CLYBL: variants seen among roughly 807,000 people sequenced by gnomAD.
CLYBL encodes citramalyl-CoA lyase, mitochondrial.
Under a neutral mutation model 38.9 loss-of-function variants are expected in CLYBL, and 31 were observed. The ratio of observed to expected loss-of-function variants is 0.80; its 90% CI spans 0.60 to 1.08. The LOEUF (loss-of-function observed/expected upper bound fraction) is 1.08. CLYBL is among the 50% of genes least tolerant of loss of function. The pLI, the probability that CLYBL is intolerant of heterozygous loss-of-function variation, is 0.00. For missense variants in CLYBL, 434 were observed against 411.6 expected, an observed-to-expected ratio of 1.05 and a Z score of -0.47; for synonymous variants, 171 against 158.6, an observed-to-expected ratio of 1.08 and a Z score of -0.59.
intron 1 of CLYBL, among the ~76,000 whole-genome samples, chr13:99,657,261 G>A (rs1037598698): frequency 1.3e-5 from 2 of 152,200 alleles, no homozygotes; most frequent in African/African-American, 4.8e-5. Context: ...GTATTTCTGC[G>A]TTTGAACCTT....
chr13:99,717,831 GTA>G (rs2048340641), intron 1 of CLYBL, among the ~76,000 whole-genome samples: 1 of 152,100 alleles, frequency 6.6e-6, no homozygotes, highest in Non-Finnish European at 1.5e-5. Context: ...ACTTGGGTGT[GTA>G]TGTGTGTGTG....
At chr13:99,617,272 C>T (rs1347868232) in intron 1 of CLYBL, among the ~76,000 whole-genome samples, 1 of 151,754 alleles carries the variant, frequency 6.6e-6, no homozygotes, top group Non-Finnish European at 1.5e-5. Flanking sequence ...ACTCACAGTT[C>T]ACGCTAAAAA....
chr13:99,796,684 A>G (rs951779012), intron 2 of CLYBL, among the ~76,000 whole-genome samples: 1 of 152,242 alleles, frequency 6.6e-6, no homozygotes, highest in African/African-American at 2.4e-5. Context: ...GGTTATTAAC[A>G]GAGCCACACA....
At chr13:99,618,721 C>A (rs1264877240) in intron 1 of CLYBL, among the ~76,000 whole-genome samples, 1 of 152,158 alleles carries the variant, frequency 6.6e-6, no homozygotes, top group South Asian at 2.1e-4. Flanking sequence ...TCCCTTCCCC[C>A]CACCCAGCCC....
intron 2 of CLYBL, among the ~76,000 whole-genome samples, chr13:99,784,449 C>CTCTTGTTT (rs71121010): frequency 1.9e-5 from 1 of 52,096 alleles, no homozygotes; most frequent in Non-Finnish European, 3.8e-5. Flanking sequence ...AAAATTCTCT[C>CTCTTGTTT]TTTTTTTTTT....
At chr13:99,735,292 C>T (rs2048649772) in intron 1 of CLYBL, among the ~76,000 whole-genome samples, 2 of 152,202 alleles carry the variant, frequency 1.3e-5, no homozygotes, top group African/African-American at 4.8e-5. Context: ...CTCCTGGGCT[C>T]AAGCCATCCT....
chr13:99,820,121 C>T (rs569328137), intron 2 of CLYBL, among the ~76,000 whole-genome samples: 3 of 152,240 alleles, frequency 2.0e-5, no homozygotes, highest in East Asian at 1.9e-4. Context: ...CTGTGTCTCG[C>T]GGAGGCTGCT....
At chr13:99,806,020 T>C (rs2806303) in intron 2 of CLYBL, among the ~76,000 whole-genome samples, 6,008 of 152,276 alleles carry the variant, frequency 0.039, 404 homozygotes, top group African/African-American at 0.14. Flanking sequence ...TAGATTGTCT[T>C]CAGTTTTTCA....
intron 2 of CLYBL, among the ~76,000 whole-genome samples, chr13:99,794,607 T>TATTATTATTATTATTATTATTATTA (rs1566329958): frequency 6.7e-6 from 1 of 150,124 alleles, no homozygotes; most frequent in Non-Finnish European, 1.5e-5. Context: ...TTATTATTAT[T>TATTATTATTATTATTATTATTATTA]TTGAGATGGA....
chr13:99,746,099 A>AC (rs1478216061), intron 1 of CLYBL, among the ~76,000 whole-genome samples: 1 of 134,420 alleles, frequency 7.4e-6, no homozygotes, highest in Non-Finnish European at 1.5e-5. Context: ...TTCTAGAAGA[A>AC]AAAAAAAATG....
intron 1 of CLYBL, among the ~76,000 whole-genome samples, chr13:99,763,849 G>A (rs2049215204): frequency 6.6e-6 from 1 of 152,038 alleles, no homozygotes; most frequent in Non-Finnish European, 1.5e-5. Context: ...CACCGCACCC[G>A]GCCGATCATG....
At chr13:99,649,596 T>G (rs1165679223) in intron 1 of CLYBL, among the ~76,000 whole-genome samples, 2 of 152,252 alleles carry the variant, frequency 1.3e-5, no homozygotes, top group African/African-American at 4.8e-5. Context: ...CCAGGCGCTG[T>G]GGCTCACGCC....
At chr13:99,784,646 G>T (rs1291819168) in intron 2 of CLYBL, among the ~76,000 whole-genome samples, 1 of 151,694 alleles carries the variant, frequency 6.6e-6, no homozygotes, top group African/African-American at 2.4e-5. Context: ...GTAGAGACAG[G>T]TTTCACCATG....
At chr13:99,896,640 A>C (rs1416599116), downstream of CLYBL, 2 of 152,272 alleles carry the variant, frequency 1.3e-5, no homozygotes, top group Non-Finnish European at 2.9e-5. Flanking sequence ...CCTGCTTTTC[A>C]GTCCTCCAGT....
chr13:99,718,804 T>C (rs182878999), intron 1 of CLYBL, among the ~76,000 whole-genome samples: 91 of 152,332 alleles, frequency 6.0e-4, no homozygotes, highest in Non-Finnish European at 9.1e-4. Flanking sequence ...TCTTGTTTGA[T>C]ATTAATTAAT....
At chr13:99,677,692 A>T (rs2047674329) in intron 1 of CLYBL, among the ~76,000 whole-genome samples, 2 of 152,250 alleles carry the variant, frequency 1.3e-5, no homozygotes, top group African/African-American at 4.8e-5. Flanking sequence ...AAGTCATTGT[A>T]ATTACATTTG....
At chr13:99,901,212 C>G (rs534528485), downstream of CLYBL, among the ~76,000 whole-genome samples, 1 of 152,226 alleles carries the variant, frequency 6.6e-6, no homozygotes. Flanking sequence ...CCATGGGCAC[C>G]GTTCTTTGCA....
rs760953060 is a variant in CLYBL at position 99,865,102 on chromosome 13, TTCTA to T, written c.634+192_634+195del. On this transcript the variant is annotated intron_variant, in intron 5 of 8. Coordinates refer to ENST00000339105, the MANE Select transcript of CLYBL (RefSeq NM_206808.5). The surrounding 1 kb of genome is among the most constrained non-coding windows in gnomAD (Gnocchi z 4.7). ...TTAGGGCTCCTCATAGCTGCCCTGC[TTCTA>T]GAGCACTGCATTATTACTTCTGTTC... 44 of 635,376 alleles carry T rather than the reference TTCTA, an allele frequency of 6.9e-5. No homozygotes were observed. In the African/African-American group the frequency reaches 8.0e-4, roughly 12 times the overall value. The allele number at this position is 635,376 out of a possible 1,614,324, so 39.4% of individuals were successfully genotyped here.
intron 2 of CLYBL, among the ~76,000 whole-genome samples, chr13:99,795,586 T>G (rs924772384): frequency 9.2e-5 from 14 of 152,078 alleles, no homozygotes; most frequent in Admixed American, 7.9e-4. Context: ...CCCAGGATGT[T>G]GAGACTGCAG....
Sources: gnomAD v4.1 joint callset for allele counts (sites outside exome capture counted in the v4.1 genomes callset) on GRCh38, gnomAD v4.1.1 for gene constraint, Gnocchi (gnomAD v3.1) non-coding constraint, MANE v1.5 for transcripts, NCBI Gene and HGNC (gene_info 2026-07-23, HGNC 2026-07-21) for gene names.